PVR: variants seen among roughly 807,000 people sequenced by gnomAD.
PVR encodes the protein poliovirus receptor.
PVR carries 39 observed loss-of-function variants against 43.3 expected under a neutral mutation model. The observed-to-expected ratio is 0.90, with a 90% CI of 0.70 to 1.18. The LOEUF is 1.18. PVR is among the 50% of genes most tolerant of loss of function. PVR has a pLI of 0.00. For missense variants in PVR, 480 were observed against 549.7 expected (o/e 0.87, Z 1.27); for synonymous variants, 224 against 233.2 (o/e 0.96, Z 0.36).
intron 5 of PVR, 110 bp downstream of exon 5, chr19:44,658,020 A>G: frequency 1.7e-6 from 2 of 1,207,854 alleles, no homozygotes; most frequent in Non-Finnish European, 2.3e-6. Context: ...TTCTCACAAA[A>G]GGACCAGTGG....
intron 1 of PVR, 112 bp from the exon 2 acceptor site, chr19:44,647,111 A>T (rs915409305): frequency 7.4e-6 from 2 of 268,734 alleles, no homozygotes; most frequent in Admixed American, 1.3e-4. Flanking sequence ...TCCACCGGGG[A>T]TCCAGGGCCC....
chr19:44,658,551 A>C (rs573179507), intron 5 of PVR, among the ~76,000 whole-genome samples, 191 bp from the exon 6 acceptor site: 1 of 152,304 alleles, frequency 6.6e-6, no homozygotes, highest in East Asian at 1.9e-4. Context: ...GGAGAATGGA[A>C]TATTCTGATT....
intron 2 of PVR, among the ~76,000 whole-genome samples, chr19:44,647,904 T>C (rs1019979587): frequency 1.3e-5 from 2 of 151,996 alleles, no homozygotes; most frequent in African/African-American, 2.4e-5. Context: ...GGTGGCCTCT[T>C]CTGGGTCCCT....
chr19:44,647,462 T>G lies in PVR; in HGVS notation c.319T>G (p.Ser107Ala). 1 of 1,614,054 alleles carries G rather than the reference T, an allele frequency of 6.2e-7. No homozygotes were observed. Residue 107 changes from serine (S) to alanine (A), a missense_variant, in exon 2 of 8, where the codon TCG becomes GCG. By Grantham distance (99) the Ser-to-Ala change is moderately conservative. Transcript: ENST00000425690. ...ACTGGGCGCGGAGCTGCGGAATGCC[T>G]CGCTGAGGATGTTCGGGTTGCGCGT... ...ARLGAELRNA[S>A]LRMFGLRVED...
chr19:44,665,791 C>T lies in PVR; in HGVS notation c.*3980C>T, dbSNP rs941860315. On this transcript the variant is annotated 3_prime_UTR_variant, in exon 8 of 8. Transcript: ENST00000425690. Reference sequence around the variant, plus strand: ...GATGGCTGCTGCATTCCAGGCATCACATCCAGACTCAGACCCAGAGAAGCT... The same window carrying T: ...GATGGCTGCTGCATTCCAGGCATCATATCCAGACTCAGACCCAGAGAAGCT... The T allele has an allele frequency of 2.0e-5, 3 of 152,374 alleles. No homozygotes were observed. The highest frequency in any genetic ancestry group is 7.2e-5 in the African/African-American group (3 of 41,460). The allele number at this position is 152,374 out of a possible 1,614,324, so 9.4% of individuals were successfully genotyped here. A position where few individuals can be genotyped will look rare whatever the true frequency, so the allele number is the denominator to read the frequency against.
rs1235440630 is a variant in PVR, at chr19:44,658,919, G to A, written c.1150+19G>A. The A allele has an allele frequency of 1.9e-6, 3 of 1,611,700 alleles. No homozygotes were observed. The highest frequency in any genetic ancestry group is 1.1e-5 in the South Asian group (1 of 90,860). ...CCCTCGAGTGAGCATCACCAGAGCT[G>A]CCGTAATTGAGCACCTACTACGGGC... On this transcript the variant is annotated intron_variant, in intron 6 of 7. Transcript: ENST00000425690.
intron 1 of PVR, among the ~76,000 whole-genome samples, chr19:44,644,606 G>A (rs1476962979): frequency 6.6e-6 from 1 of 152,028 alleles, no homozygotes; most frequent in African/African-American, 2.4e-5. Context: ...GGGTCTGGAC[G>A]GAGGGGATGG....
chr19:44,646,291 C>T (rs1251525865), intron 1 of PVR, among the ~76,000 whole-genome samples: 1 of 152,166 alleles, frequency 6.6e-6, no homozygotes, highest in East Asian at 1.9e-4. Context: ...CCTCTCGTGC[C>T]TCAATCCCCC....
intron 4 of PVR, among the ~76,000 whole-genome samples, chr19:44,656,710 C>G (rs1425707224): frequency 2.0e-5 from 3 of 152,190 alleles, no homozygotes; most frequent in African/African-American, 7.2e-5. Context: ...TGACTCATAC[C>G]TGTAATCCCA....
intron 6 of PVR, 146 bp from the exon 7 acceptor site, chr19:44,661,146 C>T (rs566986246): frequency 8.4e-6 from 6 of 711,468 alleles, no homozygotes; most frequent in African/African-American, 1.7e-5. Flanking sequence ...GTCTGACACA[C>T]GTGTATACCA....
Position 44,664,533 on chromosome 19 carries a change from C to G in PVR, c.*2722C>G, listed in dbSNP as rs1468491719. 1 of 151,822 alleles carries G rather than the reference C, an allele frequency of 6.6e-6. No homozygotes were observed. The highest frequency in any genetic ancestry group is 1.5e-5 in the Non-Finnish European group (1 of 67,988). 9.4% of individuals were successfully genotyped at this position (151,822 alleles called of 1,614,324 possible). Reference sequence around the variant, plus strand: ...CACCCTGAACCTTACTTTTTTTGCTCAGTTTCTGGTAATTCAGAGAATGCC... The same window carrying G: ...CACCCTGAACCTTACTTTTTTTGCTGAGTTTCTGGTAATTCAGAGAATGCC... On this transcript the variant is annotated 3_prime_UTR_variant, in exon 8 of 8. Coordinates refer to ENST00000425690, the MANE Select transcript of PVR (RefSeq NM_006505.5).
intron 5 of PVR, 50 bp downstream of exon 5, chr19:44,657,960 G>A (rs762909835): frequency 6.3e-7 from 1 of 1,589,446 alleles, no homozygotes; most frequent in Non-Finnish European, 8.6e-7. Flanking sequence ...AAGAGGTCGA[G>A]GCAGGGTTCC....
intron 6 of PVR, 97 bp from the exon 7 acceptor site, chr19:44,661,195 A>T: frequency 8.5e-7 from 1 of 1,179,200 alleles, no homozygotes; most frequent in South Asian, 1.2e-5. Context: ...GCAGAGGCAG[A>T]ACTTGACATT....
chr19:44,647,075 G>A, intron 1 of PVR, 148 bp from the exon 2 acceptor site: 8 of 101,580 alleles, frequency 7.9e-5, no homozygotes, highest in South Asian at 6.5e-4. Flanking sequence ...TAGTGCCCCA[G>A]TTCCCCCTCC....
intron 2 of PVR, among the ~76,000 whole-genome samples, chr19:44,649,338 A>G (rs1973214372): frequency 6.6e-6 from 1 of 151,916 alleles, no homozygotes; most frequent in East Asian, 1.9e-4. Context: ...ATCCCCTGTC[A>G]ACAGACAAGG....
intron 3 of PVR, among the ~76,000 whole-genome samples, chr19:44,651,701 C>T (rs1351600199): frequency 1.3e-5 from 2 of 152,162 alleles, no homozygotes; most frequent in South Asian, 2.1e-4. Flanking sequence ...TCCTGCACAG[C>T]GTTACCTCCA....
chr19:44,660,476 G>GCTA (rs1375316129), intron 6 of PVR, among the ~76,000 whole-genome samples: 17 of 152,102 alleles, frequency 1.1e-4, no homozygotes, highest in African/African-American at 4.1e-4. Context: ...TACTATTATT[G>GCTA]TTATTATTAA....
At chr19:44,648,522 C>T (rs1973192172) in intron 2 of PVR, among the ~76,000 whole-genome samples, 1 of 151,866 alleles carries the variant, frequency 6.6e-6, no homozygotes, top group African/African-American at 2.4e-5. Flanking sequence ...GTTCTGTCGC[C>T]CAGGCTGGAG....
rs921065757 is a variant in PVR at position 44,663,669 on chromosome 19, G to C, written c.*1858G>C. On this transcript the variant is annotated 3_prime_UTR_variant, in exon 8 of 8. Coordinates refer to ENST00000425690, the MANE Select transcript of PVR (RefSeq NM_006505.5). ...TGTCACCACGTGGGATGGAACCAGAGGCATGGAAGCAAGACGCTAAATGAA... is the reference window on the plus strand; with the variant it reads ...TGTCACCACGTGGGATGGAACCAGACGCATGGAAGCAAGACGCTAAATGAA... 2.0e-5 allele frequency: 3 copies of C among 152,174 alleles called. No homozygotes were observed. The highest frequency in any genetic ancestry group is 2.0e-4 in the Admixed American group (3 of 15,270). The allele number at this position is 152,174 out of a possible 1,614,324, so 9.4% of individuals were successfully genotyped here. A position where few individuals can be genotyped will look rare whatever the true frequency, so the allele number is the denominator to read the frequency against.
Sources: allele counts gnomAD v4.1 joint callset (sites outside exome capture counted in the v4.1 genomes callset), GRCh38; gene constraint gnomAD v4.1.1; transcripts MANE v1.5; gene names NCBI Gene and HGNC (gene_info 2026-07-23, HGNC 2026-07-21).